MARCHF4: variants seen among roughly 807,000 people sequenced by gnomAD.
MARCHF4 encodes E3 ubiquitin-protein ligase MARCHF4.
MARCHF4 carries 14 observed loss-of-function variants against 43.9 expected under a neutral mutation model. That is an observed-to-expected ratio of 0.32 (90% CI 0.21 to 0.50). MARCHF4 has a LOEUF of 0.50. MARCHF4 is among the 20% of genes least tolerant of loss of function. MARCHF4 has a pLI of 0.98. For synonymous variants in MARCHF4, 226 were observed against 213.3 expected (o/e 1.06, Z -0.52); for missense variants, 468 against 536.7 (o/e 0.87, Z 1.27).
chr2:216,337,382 T>C (rs1307236768), intron 1 of MARCHF4, among the ~76,000 whole-genome samples: 1 of 152,160 alleles, frequency 6.6e-6, no homozygotes, highest in East Asian at 1.9e-4. Context: ...TTACTGTTTT[T>C]AAAAAGCTGT....
intron 2 of MARCHF4, among the ~76,000 whole-genome samples, chr2:216,280,400 A>G (rs1691109035): frequency 6.6e-6 from 1 of 152,162 alleles, no homozygotes; most frequent in African/African-American, 2.4e-5. Context: ...GAGGGATCAG[A>G]TGACCCGATC....
In MARCHF4 at chr2:216,370,435, G is replaced by A. The variant is rs1403345744; in HGVS notation, c.-175C>T. 1 of 534,696 alleles carries A rather than the reference G, an allele frequency of 1.9e-6. No individual in the cohort carries two copies. Among genetic ancestry groups the A allele is most frequent in the Middle Eastern group, 4.9e-4 (1 of 2,054 alleles). 33.1% of individuals were successfully genotyped at this position (534,696 alleles called of 1,614,324 possible). A position where few individuals can be genotyped will look rare whatever the true frequency, so the allele number is the denominator to read the frequency against. On this transcript the variant is annotated 5_prime_UTR_variant, in exon 1 of 4. Transcript: ENST00000273067. ...TAAATTGCTCCCAGGACTGAGAAGT[G>A]TGAGTCACTGGTTCTGAACTCCACC...
At position 216,371,622 on chromosome 2, in the gene MARCHF4, C is replaced by G. The variant is rs942725159; in HGVS notation, c.-1362G>C. On this transcript the variant is annotated 5_prime_UTR_variant, in exon 1 of 4. Coordinates refer to ENST00000273067, the MANE Select transcript of MARCHF4 (RefSeq NM_020814.3). Reference sequence around the variant, plus strand: ...CATGATCCTCCTCCTCCTCCCCCTTCCCTGGGGGCCAGCCCTGAGCCCCCG... The same window carrying G: ...CATGATCCTCCTCCTCCTCCCCCTTGCCTGGGGGCCAGCCCTGAGCCCCCG... 6.6e-6 allele frequency: 1 copy of G among 152,392 alleles called. No homozygotes were observed. The highest frequency in any genetic ancestry group is 1.5e-5 in the Non-Finnish European group (1 of 68,178). The allele number at this position is 152,392 out of a possible 1,614,324, so 9.4% of individuals were successfully genotyped here. A position where few individuals can be genotyped will look rare whatever the true frequency, so the allele number is the denominator to read the frequency against.
intron 1 of MARCHF4, among the ~76,000 whole-genome samples, chr2:216,350,092 C>T (rs1390247026): frequency 6.6e-6 from 1 of 152,142 alleles, no homozygotes; most frequent in Non-Finnish European, 1.5e-5. Context: ...CATGACCTCA[C>T]TATGCCACAA....
chr2:216,344,736 G>A (rs765298526), intron 1 of MARCHF4, among the ~76,000 whole-genome samples: 4 of 151,928 alleles, frequency 2.6e-5, no homozygotes, highest in Non-Finnish European at 5.9e-5. Flanking sequence ...AGGCTTGCCT[G>A]CATGCAGAGG....
At chr2:216,319,758 C>G (rs1482670338) in intron 1 of MARCHF4, among the ~76,000 whole-genome samples, 2 of 152,196 alleles carry the variant, frequency 1.3e-5, no homozygotes, top group African/African-American at 2.4e-5. Flanking sequence ...GAAATCTACA[C>G]TAGATGCTGG....
At chr2:216,363,628 G>C (rs1266924779) in intron 1 of MARCHF4, among the ~76,000 whole-genome samples, 1 of 152,150 alleles carries the variant, frequency 6.6e-6, no homozygotes, top group Non-Finnish European at 1.5e-5. Flanking sequence ...AAAACTCTTG[G>C]AGGTAACTGT....
chr2:216,365,483 G>A (rs781172810), intron 1 of MARCHF4, among the ~76,000 whole-genome samples: 2 of 152,192 alleles, frequency 1.3e-5, no homozygotes, highest in Non-Finnish European at 1.5e-5. Context: ...TCTTTTCAAG[G>A]TATCCATGTG....
chr2:216,355,643 T>C (rs1358379431), intron 1 of MARCHF4, among the ~76,000 whole-genome samples: 3 of 152,240 alleles, frequency 2.0e-5, no homozygotes, highest in African/African-American at 7.2e-5. Flanking sequence ...ATACTCAAAC[T>C]GATTTTTTAT....
chr2:216,318,697 G>A (rs543843849), intron 1 of MARCHF4, among the ~76,000 whole-genome samples: 20 of 152,244 alleles, frequency 1.3e-4, no homozygotes, highest in African/African-American at 4.8e-4. Context: ...GGCAGGAAAT[G>A]AAATCAGAGA....
At chr2:216,293,072 A>G (rs1691333044) in intron 1 of MARCHF4, among the ~76,000 whole-genome samples, 1 of 152,196 alleles carries the variant, frequency 6.6e-6, no homozygotes, top group African/African-American at 2.4e-5. Flanking sequence ...AAGATCCTCT[A>G]TGGCCCTAGA....
chr2:216,292,237 A>G (rs1005993978), intron 1 of MARCHF4, among the ~76,000 whole-genome samples: 1 of 152,206 alleles, frequency 6.6e-6, no homozygotes, highest in African/African-American at 2.4e-5. Context: ...AGGGGGAGAT[A>G]TCTGTTAAGA....
intron 1 of MARCHF4, among the ~76,000 whole-genome samples, chr2:216,336,000 G>A (rs552493454): frequency 1.3e-5 from 2 of 150,154 alleles, no homozygotes; most frequent in Non-Finnish European, 3.0e-5. Flanking sequence ...CCAGTGAGGT[G>A]GAGGTTGCAG....
At chr2:216,279,343 G>A (rs1379004059) in intron 2 of MARCHF4, among the ~76,000 whole-genome samples, 4 of 152,162 alleles carry the variant, frequency 2.6e-5, no homozygotes, top group Non-Finnish European at 4.4e-5. Context: ...GAGACAACTG[G>A]AAAAGGAAGA....
chr2:216,295,950 A>T (rs895847007), intron 1 of MARCHF4, among the ~76,000 whole-genome samples: 17 of 152,222 alleles, frequency 1.1e-4, no homozygotes, highest in African/African-American at 4.1e-4. Context: ...GTTCGAGACC[A>T]GCCTGGCCAA....
chr2:216,264,208 CA>C (rs1203313751), intron 3 of MARCHF4, among the ~76,000 whole-genome samples: 3 of 152,176 alleles, frequency 2.0e-5, no homozygotes, highest in African/African-American at 7.2e-5. Context: ...GAGGTAGTCT[CA>C]GGGGTTTCTA....
At chr2:216,283,769 C>A in intron 1 of MARCHF4, 40 bp from the exon 2 acceptor site, 2 of 1,538,794 alleles carry the variant, frequency 1.3e-6, no homozygotes, top group Non-Finnish European at 1.8e-6. Flanking sequence ...CTGAGACCTA[C>A]AGTGGCTGGT....
intron 3 of MARCHF4, among the ~76,000 whole-genome samples, chr2:216,260,412 C>T (rs1022268917): frequency 2.6e-5 from 4 of 152,226 alleles, no homozygotes; most frequent in Admixed American, 1.3e-4. Context: ...TAAATATCCA[C>T]TGGCTGCAGG....
At chr2:216,328,538 A>T (rs1263201955) in intron 1 of MARCHF4, among the ~76,000 whole-genome samples, 1 of 152,160 alleles carries the variant, frequency 6.6e-6, no homozygotes, top group Non-Finnish European at 1.5e-5. Flanking sequence ...GCTACATCCC[A>T]GCTTTGCCCT....
Sources: gnomAD v4.1 joint callset for allele counts (sites outside exome capture counted in the v4.1 genomes callset) on GRCh38, gnomAD v4.1.1 for gene constraint, MANE v1.5 for transcripts, NCBI Gene and HGNC (gene_info 2026-07-23, HGNC 2026-07-21) for gene names.